Variants in PALM2AKAP2 observed in about 807,000 individuals in gnomAD.
PALM2AKAP2 encodes the protein PALM2-AKAP2 fusion protein.
A neutral mutation model predicts 71.5 loss-of-function variants in PALM2AKAP2; 37 were observed. The observed-to-expected ratio is 0.52, with a 90% CI of 0.40 to 0.68. PALM2AKAP2 has a LOEUF of 0.68. PALM2AKAP2 is among the 30% of genes least tolerant of loss of function. PALM2AKAP2 has a pLI of 0.00. For synonymous variants in PALM2AKAP2, 468 were observed against 478.8 expected (o/e 0.98, Z 0.29); for missense variants, 1,224 against 1,191.8 (o/e 1.03, Z -0.40).
chr9:109,887,263 C>A (rs1422277515), intron 3 of PALM2AKAP2, among the ~76,000 whole-genome samples: 1 of 152,240 alleles, frequency 6.6e-6, no homozygotes, highest in Non-Finnish European at 1.5e-5. Context: ...ATTGAAATCA[C>A]AAAGGACACT....
intron 1 of PALM2AKAP2, among the ~76,000 whole-genome samples, chr9:109,754,767 T>A (rs528685683): frequency 6.6e-6 from 1 of 152,272 alleles, no homozygotes; most frequent in Admixed American, 6.5e-5. Flanking sequence ...ATATGGGCAC[T>A]AATCTCATCA....
At chr9:110,128,881 C>G (rs7855684) in intron 1 of PALM2AKAP2, among the ~76,000 whole-genome samples, 23,609 of 152,266 alleles carry the variant, frequency 0.16, 2,200 homozygotes, top group Non-Finnish European at 0.2. Context: ...CCTAGGTACC[C>G]TGGGCAGAAA....
At chr9:109,898,347 C>G (rs938542229) in intron 3 of PALM2AKAP2, among the ~76,000 whole-genome samples, 4 of 152,238 alleles carry the variant, frequency 2.6e-5, no homozygotes, top group Admixed American at 2.0e-4. Flanking sequence ...CCTGAATTTT[C>G]TTTCCAGACT....
intron 1 of PALM2AKAP2, among the ~76,000 whole-genome samples, chr9:109,681,086 G>C (rs1489334605): frequency 1.3e-5 from 2 of 152,194 alleles, no homozygotes; most frequent in Non-Finnish European, 2.9e-5. Flanking sequence ...TTCCAGTTTA[G>C]TGATTAGCAC....
Position 110,106,195 on chromosome 9 carries a change from G to C in PALM2AKAP2, c.157-29932G>C, listed in dbSNP as rs184917508. On this transcript the variant is annotated intron_variant, in intron 1 of 3. Transcript: ENST00000374525. ...GGAGAGGAAAACCTTGGGCCCATCA[G>C]GTTAGCCTTTTCTGAGATGGAGACT... Among the ~76,000 whole-genome samples the C allele has an allele frequency of 7.7e-4, 118 of 152,286 alleles. 1 individual carries two copies. Among genetic ancestry groups the C allele is most frequent in the African/African-American group, 2.7e-3 (113 of 41,560 alleles).
chr9:110,100,676 C>T (rs1383708849), intron 1 of PALM2AKAP2, among the ~76,000 whole-genome samples: 2 of 152,202 alleles, frequency 1.3e-5, no homozygotes, highest in Admixed American at 6.5e-5. Flanking sequence ...CCTTGAAGGC[C>T]AGCTGGGCTC....
chr9:109,744,459 G>T (rs563031439), intron 1 of PALM2AKAP2, among the ~76,000 whole-genome samples: 1 of 152,144 alleles, frequency 6.6e-6, no homozygotes, highest in African/African-American at 2.4e-5. Context: ...GCATGGCGTG[G>T]GCAATTTTCG....
At chr9:110,134,406 A>G (rs904326494) in intron 1 of PALM2AKAP2, among the ~76,000 whole-genome samples, 2 of 152,244 alleles carry the variant, frequency 1.3e-5, no homozygotes, top group African/African-American at 4.8e-5. Flanking sequence ...GACCAGACCT[A>G]GACTGGAAGA....
chr9:109,792,165 T>A (rs1257801956), intron 1 of PALM2AKAP2, among the ~76,000 whole-genome samples: 2 of 152,064 alleles, frequency 1.3e-5, no homozygotes, highest in Non-Finnish European at 2.9e-5. Context: ...TGGGTCAGAG[T>A]CAGGGCTGCT....
At chr9:109,695,915 A>G (rs536693370) in intron 1 of PALM2AKAP2, among the ~76,000 whole-genome samples, 11 of 152,278 alleles carry the variant, frequency 7.2e-5, no homozygotes, top group African/African-American at 1.9e-4. Flanking sequence ...GGGTACAAAC[A>G]TACAGTTAGA....
At chr9:109,657,684 G>T (rs1456356687) in intron 1 of PALM2AKAP2, among the ~76,000 whole-genome samples, 1 of 152,132 alleles carries the variant, frequency 6.6e-6, no homozygotes, top group Non-Finnish European at 1.5e-5. Context: ...ATAGGGTTTG[G>T]GGGTTTGAAT....
At chr9:110,149,573 G>A (rs2119178933) in intron 2 of PALM2AKAP2, among the ~76,000 whole-genome samples, 1 of 152,336 alleles carries the variant, frequency 6.6e-6, no homozygotes, top group Middle Eastern at 3.4e-3. Flanking sequence ...CATGCCCATA[G>A]GTTCATGGAA....
intron 6 of PALM2AKAP2, chr9:109,943,084 G>A (rs140454806): frequency 8.0e-5 from 129 of 1,614,102 alleles, no homozygotes; most frequent in African/African-American, 2.0e-4. Flanking sequence ...AGCCCCCAGC[G>A]CTGCAGGGCC....
exon 2 of PALM2AKAP2, chr9:110,137,434 C>G: frequency 6.2e-7 from 1 of 1,614,144 alleles, no homozygotes; most frequent in Non-Finnish European, 8.5e-7. Flanking sequence ...CCCTGGAGAC[C>G]CCATCGGCAG....
At chr9:109,808,273 G>T (rs1371207630) in intron 1 of PALM2AKAP2, among the ~76,000 whole-genome samples, 1 of 152,230 alleles carries the variant, frequency 6.6e-6, no homozygotes, top group Non-Finnish European at 1.5e-5. Context: ...GAATGGCTTT[G>T]ACCAAAATGC....
chr9:109,915,070 C>T (rs1194098824), intron 3 of PALM2AKAP2, among the ~76,000 whole-genome samples: 1 of 152,140 alleles, frequency 6.6e-6, no homozygotes, highest in Non-Finnish European at 1.5e-5. Context: ...TTTTGTTTGC[C>T]CCAGATCTTC....
intron 2 of PALM2AKAP2, among the ~76,000 whole-genome samples, chr9:110,146,110 G>C (rs1194008211): frequency 3.3e-5 from 5 of 151,884 alleles, no homozygotes; most frequent in Non-Finnish European, 7.4e-5. Flanking sequence ...GTGTTAGCCA[G>C]GATGGTCTCA....
intron 6 of PALM2AKAP2, among the ~76,000 whole-genome samples, chr9:110,014,394 A>G (rs1357240879): frequency 1.3e-5 from 2 of 152,130 alleles, no homozygotes; most frequent in African/African-American, 4.8e-5. Context: ...TTGTTAAAGG[A>G]GACTCTGAAA....
intron 6 of PALM2AKAP2, chr9:109,943,025 A>C: frequency 1.2e-6 from 2 of 1,614,250 alleles, no homozygotes; most frequent in Non-Finnish European, 1.7e-6. Flanking sequence ...GAAATGGTAC[A>C]TAAGTCTAGG....
Sources: allele counts gnomAD v4.1 joint callset (sites outside exome capture counted in the v4.1 genomes callset), GRCh38; gene constraint gnomAD v4.1.1; transcripts MANE v1.5; gene names NCBI Gene and HGNC (gene_info 2026-07-23, HGNC 2026-07-21).